The following SH3RF3 variants were observed in gnomAD, a reference collection of about 807,000 sequenced individuals.
SH3RF3 encodes SH3 domain containing ring finger 3, also known as E3 ubiquitin-protein ligase SH3RF3.
A neutral mutation model predicts 66.3 loss-of-function variants in SH3RF3; 29 were observed. The observed-to-expected ratio is 0.44, with a 90% CI of 0.33 to 0.60. The LOEUF is 0.60. Ranked by LOEUF, SH3RF3 falls within the 20% of genes least tolerant of loss-of-function variation. The pLI is 0.04. For missense variants in SH3RF3, 1,194 were observed against 1,190.9 expected (o/e 1.00, Z -0.04); for synonymous variants, 583 against 532.0 (o/e 1.10, Z -1.32).
chr2:109,233,242 C>T (rs1362212811), intron 1 of SH3RF3, among the ~76,000 whole-genome samples: 1 of 152,146 alleles, frequency 6.6e-6, no homozygotes, highest in East Asian at 1.9e-4. Context: ...CTGGAAGAAT[C>T]AGGTCTCATG....
chr2:109,323,868 T>G (rs6707697), intron 1 of SH3RF3, among the ~76,000 whole-genome samples: 6,021 of 152,334 alleles, frequency 0.04, 135 homozygotes, highest in Non-Finnish European at 0.061. Flanking sequence ...AAGTAATTTG[T>G]AGTATAGTGA....
At chr2:109,329,534 C>G (rs533596174) in intron 1 of SH3RF3, among the ~76,000 whole-genome samples, 3 of 152,334 alleles carry the variant, frequency 2.0e-5, no homozygotes, top group African/African-American at 7.2e-5. Context: ...CCCCATTCTC[C>G]CTTCCCTGCA....
At chr2:109,358,305 G>A (rs538966418) in intron 2 of SH3RF3, among the ~76,000 whole-genome samples, 4 of 152,186 alleles carry the variant, frequency 2.6e-5, no homozygotes, top group African/African-American at 7.2e-5. Context: ...CCTACTAAAC[G>A]ACATCTTGGT....
chr2:109,317,732 AG>A (rs1466530478), intron 1 of SH3RF3, among the ~76,000 whole-genome samples: 1 of 152,154 alleles, frequency 6.6e-6, no homozygotes, highest in East Asian at 1.9e-4. Context: ...GTGGAGTGCG[AG>A]GGTGCCTCCC....
At chr2:109,473,878 G>T (rs898235891) in intron 8 of SH3RF3, among the ~76,000 whole-genome samples, 2 of 152,038 alleles carry the variant, frequency 1.3e-5, no homozygotes, top group Admixed American at 6.5e-5. Context: ...CCCCTGAACC[G>T]CTCTCCTTGT....
intron 1 of SH3RF3, among the ~76,000 whole-genome samples, chr2:109,242,070 G>A (rs72952059): frequency 6.6e-6 from 1 of 151,988 alleles, no homozygotes; most frequent in Non-Finnish European, 1.5e-5. Context: ...GTAGACGGGG[G>A]TGTCATAGGT....
chr2:109,491,457 C>T, intron 9 of SH3RF3, among the ~76,000 whole-genome samples: 1 of 152,206 alleles, frequency 6.6e-6, no homozygotes, highest in African/African-American at 2.4e-5. Context: ...CAGACTGAAC[C>T]CTTTGAAATT....
chr2:109,500,388 G>T (rs1354160823), intron 9 of SH3RF3, among the ~76,000 whole-genome samples: 8 of 152,114 alleles, frequency 5.3e-5, no homozygotes, highest in Admixed American at 6.5e-5. Context: ...CACCTGCCAC[G>T]CAGCACACCC....
chr2:109,252,603 G>C (rs1353087498), intron 1 of SH3RF3, among the ~76,000 whole-genome samples: 2 of 152,164 alleles, frequency 1.3e-5, no homozygotes, highest in African/African-American at 4.8e-5. Flanking sequence ...ATTATGTCCT[G>C]ATAAACCCAT....
At position 109,266,597 on chromosome 2, in the gene SH3RF3, C is replaced by A. The variant is rs115392021; in HGVS notation, c.574-81077C>A. On this transcript the variant is annotated intron_variant, in intron 1 of 9. Coordinates refer to ENST00000309415, the MANE Select transcript of SH3RF3 (RefSeq NM_001099289.3). ...TTGTGCCTGATGCCCGTCACCGAGA[C>A]CTTGGAGTGCAGAGCAGGGCTCCCC... Among the ~76,000 whole-genome samples, 1,314 of 152,188 alleles carry A rather than the reference C, an allele frequency of 8.6e-3. 22 individuals carry two copies. The highest frequency in any genetic ancestry group is 0.03 in the African/African-American group (1,247 of 41,506).
intron 1 of SH3RF3, among the ~76,000 whole-genome samples, chr2:109,346,981 G>A (rs1574588079): frequency 6.6e-6 from 1 of 152,134 alleles, no homozygotes; most frequent in East Asian, 1.9e-4. Context: ...CCTGGGCATG[G>A]CCCCTGTGCT....
At position 109,476,338 on chromosome 2, in the gene SH3RF3, G is replaced by A. The variant is rs577540186; in HGVS notation, c.2149-14267G>A. ...GAGATCATGTATGTGTCAGTCCTTT[G>A]ACAACTGTGCCTAACCCCAAGGGGA... On this transcript the variant is annotated intron_variant, in intron 8 of 9. Coordinates refer to ENST00000309415, the MANE Select transcript of SH3RF3 (RefSeq NM_001099289.3). Among the ~76,000 whole-genome samples, 3 of 152,300 alleles carry A rather than the reference G, an allele frequency of 2.0e-5. No homozygotes were observed. The East Asian group carries it at 5.8e-4, about 29-fold the overall frequency.
intron 8 of SH3RF3, among the ~76,000 whole-genome samples, chr2:109,485,325 T>C (rs940262961): frequency 6.6e-6 from 1 of 152,256 alleles, no homozygotes; most frequent in African/African-American, 2.4e-5. Context: ...ACAGGTTTAC[T>C]TCATTTTCAT....
intron 1 of SH3RF3, among the ~76,000 whole-genome samples, chr2:109,138,658 C>T (rs556957431): frequency 6.6e-6 from 1 of 152,330 alleles, no homozygotes; most frequent in South Asian, 2.1e-4. Context: ...CACTCTTCCT[C>T]TGGGTCTGCA....
chr2:109,461,387 G>A (rs976893892), intron 8 of SH3RF3, among the ~76,000 whole-genome samples: 6 of 151,878 alleles, frequency 4.0e-5, no homozygotes, highest in Admixed American at 6.6e-5. Context: ...AAAGACCTGC[G>A]CGGTGATCCA....
intron 4 of SH3RF3, among the ~76,000 whole-genome samples, chr2:109,402,873 T>C (rs1296544747): frequency 2.0e-5 from 3 of 152,150 alleles, no homozygotes; most frequent in African/African-American, 7.2e-5. Flanking sequence ...AACGTTGCAC[T>C]GGGTTCTGTA....
chr2:109,428,916 C>T (rs1273221085), intron 5 of SH3RF3, among the ~76,000 whole-genome samples: 1 of 152,158 alleles, frequency 6.6e-6, no homozygotes, highest in Admixed American at 6.5e-5. Flanking sequence ...TTCTCCCTGC[C>T]ATGCCAGACC....
At chr2:109,153,716 T>C (rs913862353) in intron 1 of SH3RF3, among the ~76,000 whole-genome samples, 3 of 152,210 alleles carry the variant, frequency 2.0e-5, no homozygotes, top group Non-Finnish European at 4.4e-5. Context: ...TGTGTACTTG[T>C]CTGCTGTGCG....
chr2:109,411,823 C>G (rs10194881), intron 4 of SH3RF3, among the ~76,000 whole-genome samples: 7,648 of 152,324 alleles, frequency 0.05, 358 homozygotes, highest in African/African-American at 0.12. Flanking sequence ...TCTCTCTGCT[C>G]TTCATTCCAG....
Sources: gnomAD v4.1 joint callset for allele counts (sites outside exome capture counted in the v4.1 genomes callset) on GRCh38, gnomAD v4.1.1 for gene constraint, MANE v1.5 for transcripts, NCBI Gene and HGNC (gene_info 2026-07-23, HGNC 2026-07-21) for gene names.